STK24: variants seen among roughly 807,000 people sequenced by gnomAD.
The protein encoded by STK24 is serine/threonine kinase 24, also known as serine/threonine-protein kinase 24.
Under a neutral mutation model 55.6 loss-of-function variants are expected in STK24, and 21 were observed. That is an observed-to-expected ratio of 0.38 (90% CI 0.27 to 0.54). STK24 has a LOEUF of 0.54. Ranked by LOEUF, STK24 falls within the 20% of genes least tolerant of loss-of-function variation. The pLI is 0.79. For synonymous variants in STK24, 200 were observed against 215.2 expected, an observed-to-expected ratio of 0.93 and a Z score of 0.62; for missense variants, 383 against 538.4, an observed-to-expected ratio of 0.71 and a Z score of 2.86.
chr13:98,508,660 C>G (rs1179114720), intron 2 of STK24: 1 of 152,150 alleles, frequency 6.6e-6, no homozygotes, highest in East Asian at 1.9e-4. Context: ...TCTGTGTACA[C>G]AGTGTCTGGT....
chr13:98,519,653 G>A (rs1288074313), intron 1 of STK24, among the ~76,000 whole-genome samples, 180 bp from the exon 2 acceptor site: 1 of 152,112 alleles, frequency 6.6e-6, no homozygotes, highest in African/African-American at 2.4e-5. Context: ...AAGATTCCTA[G>A]GTCTCACCTA....
At chr13:98,558,962 C>T (rs1248515486) in intron 1 of STK24, among the ~76,000 whole-genome samples, 4 of 122,526 alleles carry the variant, frequency 3.3e-5, no homozygotes, top group Non-Finnish European at 4.8e-5. Context: ...GTTGGGGGTT[C>T]GAGACCAGCC....
chr13:98,540,837 C>A (rs1337855328), intron 1 of STK24, among the ~76,000 whole-genome samples: 2 of 149,542 alleles, frequency 1.3e-5, no homozygotes, highest in Admixed American at 1.3e-4. Flanking sequence ...AAGAGTTTTG[C>A]CTAGGCCTTT....
chr13:98,446,314 C>T lies in STK24; in HGVS notation c.*6859G>A. 1.4e-6 allele frequency: 1 copy of T among 710,114 alleles called. No individual in the cohort carries two copies. Among genetic ancestry groups the T allele is most frequent in the Non-Finnish European group, 2.4e-6 (1 of 410,706 alleles). 44.0% of individuals were successfully genotyped at this position (710,114 alleles called of 1,614,324 possible). A position where few individuals can be genotyped will look rare whatever the true frequency, so the allele number is the denominator to read the frequency against. ...CTCAGGCCTCTTGGGCTCCAGGTGT[C>T]ACGGGGATGACAGGGATGCTGGCGG... On this transcript the variant is annotated 3_prime_UTR_variant, in exon 11 of 11. Coordinates refer to ENST00000539966, the MANE Select transcript of STK24 (RefSeq NM_001032296.4).
intron 8 of STK24, among the ~76,000 whole-genome samples, chr13:98,461,512 CGGGACATCCTAACTCAACAGCA>C (rs1893703213): frequency 6.6e-6 from 1 of 152,186 alleles, no homozygotes; most frequent in Non-Finnish European, 1.5e-5. Context: ...ATTGCCACAT[CGGGACATCCTAACTCAACAGCA>C]GGGCTGCAGA....
At chr13:98,459,525 G>A (rs1209957951) in intron 9 of STK24, among the ~76,000 whole-genome samples, 1 of 152,240 alleles carries the variant, frequency 6.6e-6, no homozygotes, top group Non-Finnish European at 1.5e-5. Flanking sequence ...GACCGTGGCT[G>A]GCCAGGCACG....
chr13:98,492,746 C>T (rs1274946316), intron 2 of STK24, among the ~76,000 whole-genome samples: 1 of 152,206 alleles, frequency 6.6e-6, no homozygotes, highest in Non-Finnish European at 1.5e-5. Context: ...GTACTAAATA[C>T]TTCATGAAGA....
chr13:98,521,674 CG>C, intron 1 of STK24: 1 of 692,338 alleles, frequency 1.4e-6, no homozygotes, highest in South Asian at 1.6e-5. Context: ...GAGCAGCTTT[CG>C]GGGATGCGGG....
At position 98,576,923 on chromosome 13, in the gene STK24, G is replaced by A. The variant is rs1221352859; in HGVS notation, c.-137C>T. ...GCCCGAGGCCACCCCAGCCCTGGCG[G>A]GTCCCGGCCGGGCGGCGGGGGCTCA... On this transcript the variant is annotated 5_prime_UTR_variant, in exon 1 of 11. Coordinates refer to ENST00000539966, the MANE Select transcript of STK24 (RefSeq NM_001032296.4). 3 of 389,508 alleles carry A rather than the reference G, an allele frequency of 7.7e-6. No homozygotes were observed. Among genetic ancestry groups the A allele is most frequent in the Non-Finnish European group, 1.0e-5 (3 of 288,482 alleles). The allele number at this position is 389,508 out of a possible 1,614,324, so 24.1% of individuals were successfully genotyped here. A position where few individuals can be genotyped will look rare whatever the true frequency, so the allele number is the denominator to read the frequency against.
At chr13:98,460,461 A>C (rs751979945) in intron 8 of STK24, 21 bp from the exon 9 acceptor site, 3 of 1,600,432 alleles carry the variant, frequency 1.9e-6, no homozygotes, top group Non-Finnish European at 2.6e-6. Context: ...AGGGAAAAAA[A>C]GGTCATCAGA....
At chr13:98,550,375 CAA>C (rs1020690058) in intron 1 of STK24, among the ~76,000 whole-genome samples, 9 of 152,064 alleles carry the variant, frequency 5.9e-5, no homozygotes, top group Non-Finnish European at 1.0e-4. Flanking sequence ...CCTGTCCCTA[CAA>C]AAAATAGTTG....
At chr13:98,574,857 A>C (rs2139474810) in intron 1 of STK24, among the ~76,000 whole-genome samples, 1 of 152,112 alleles carries the variant, frequency 6.6e-6, no homozygotes, top group East Asian at 1.9e-4. Flanking sequence ...CAAAAAAAAA[A>C]GTGAGGATAA....
intron 1 of STK24, among the ~76,000 whole-genome samples, chr13:98,539,806 A>G (rs949240392): frequency 6.6e-6 from 1 of 152,214 alleles, no homozygotes; most frequent in Non-Finnish European, 1.5e-5. Flanking sequence ...AAACTACCAT[A>G]TGTGGAAACC....
chr13:98,523,881 G>A (rs944146195), intron 1 of STK24, among the ~76,000 whole-genome samples: 1 of 152,172 alleles, frequency 6.6e-6, no homozygotes, highest in African/African-American at 2.4e-5. Flanking sequence ...AGGCCCCGAC[G>A]GCCCATGCTT....
chr13:98,457,086 T>C (rs1354591602), intron 10 of STK24, 82 bp downstream of exon 10: 14 of 1,518,934 alleles, frequency 9.2e-6, no homozygotes, highest in Non-Finnish European at 1.8e-6. Context: ...AGGCCAAGAA[T>C]CAAGTACCAA....
chr13:98,546,033 C>CT (rs1897020802), intron 1 of STK24, among the ~76,000 whole-genome samples: 1 of 152,210 alleles, frequency 6.6e-6, no homozygotes, highest in Non-Finnish European at 1.5e-5. Context: ...GTCTTAAAGT[C>CT]CTTGTCATTC....
intron 1 of STK24, among the ~76,000 whole-genome samples, chr13:98,535,797 T>C (rs535771405): frequency 1.3e-5 from 2 of 152,298 alleles, no homozygotes; most frequent in East Asian, 3.9e-4. Context: ...GCTGCAAGCT[T>C]CACAGGGTGC....
intron 1 of STK24, chr13:98,543,006 C>T (rs755881109): frequency 6.2e-5 from 61 of 985,332 alleles, no homozygotes; most frequent in Non-Finnish European, 7.0e-5. Context: ...AGCCAGCTAG[C>T]GTGGACCTGG....
In STK24 at chr13:98,446,466, T is replaced by C; in HGVS notation, c.*6707A>G. 1 of 619,026 alleles carries C rather than the reference T, an allele frequency of 1.6e-6. No homozygotes were observed. Among genetic ancestry groups the C allele is most frequent in the South Asian group, 2.0e-5 (1 of 50,844 alleles). The allele number at this position is 619,026 out of a possible 1,614,324, so 38.3% of individuals were successfully genotyped here. On this transcript the variant is annotated 3_prime_UTR_variant, in exon 11 of 11. Transcript: ENST00000539966. ...GGACAAGGGACGGGGGTTGGCTTTA[T>C]CTACAGCTCAGTCCTGGCGGGACTT... is the stretch of plus-strand genomic sequence containing the variant.
Sources: gnomAD v4.1 joint callset for allele counts (sites outside exome capture counted in the v4.1 genomes callset) on GRCh38, gnomAD v4.1.1 for gene constraint, MANE v1.5 for transcripts, NCBI Gene and HGNC (gene_info 2026-07-23, HGNC 2026-07-21) for gene names.